The following DOCK1 variants were observed in gnomAD, a reference collection of about 807,000 sequenced individuals.
The protein encoded by DOCK1 is dedicator of cytokinesis protein 1.
A neutral mutation model predicts 262.7 loss-of-function variants in DOCK1; 138 were observed. The observed-to-expected ratio is 0.53, with a 90% confidence interval of 0.46 to 0.61. DOCK1 has a LOEUF of 0.61. Ranked by LOEUF, DOCK1 falls within the 20% of genes least tolerant of loss-of-function variation. The pLI is 0.00. For synonymous variants in DOCK1, 866 were observed against 867.4 expected (o/e 1.00, Z 0.03); for missense variants, 1,908 against 2,370.7 (o/e 0.80, Z 4.05).
chr10:127,122,465 G>A (rs2049657127), intron 25 of DOCK1, among the ~76,000 whole-genome samples: 1 of 151,970 alleles, frequency 6.6e-6, no homozygotes, highest in Non-Finnish European at 1.5e-5. Context: ...GAGGCATGTT[G>A]GATGGCTTTT....
chr10:126,960,723 A>AATATATATATATATATATATATATATAT (rs1159655828), intron 1 of DOCK1, among the ~76,000 whole-genome samples: 9 of 134,664 alleles, frequency 6.7e-5, no homozygotes, highest in Non-Finnish European at 1.3e-4. Context: ...CCTACCCTCA[A>AATATATATATATATATATATATATATAT]ATATATATAT....
intron 12 of DOCK1, chr10:127,013,477 C>G (rs2041629352): frequency 6.6e-6 from 1 of 152,192 alleles, no homozygotes; most frequent in Non-Finnish European, 1.5e-5. Context: ...GCCCTCGGAT[C>G]TCCAGTTTCT....
intron 35 of DOCK1, among the ~76,000 whole-genome samples, chr10:127,379,666 C>G (rs2065721403): frequency 6.6e-6 from 1 of 152,080 alleles, no homozygotes; most frequent in Non-Finnish European, 1.5e-5. Flanking sequence ...GAGGCTGGGC[C>G]CAGAAAGCTT....
intron 29 of DOCK1, among the ~76,000 whole-genome samples, chr10:127,261,452 T>C (rs1381247601): frequency 1.4e-5 from 2 of 144,258 alleles, no homozygotes; most frequent in African/African-American, 2.7e-5. Context: ...CCTGCATGTG[T>C]GTGCGTGTGT....
chr10:127,400,947 C>G (rs146407168), intron 38 of DOCK1, among the ~76,000 whole-genome samples: 216 of 152,284 alleles, frequency 1.4e-3, no homozygotes, highest in African/African-American at 5.0e-3. Context: ...GGGGAGAAAC[C>G]TGAATTCTGC....
chr10:127,347,382 G>C (rs973040927), intron 31 of DOCK1, among the ~76,000 whole-genome samples: 3 of 152,222 alleles, frequency 2.0e-5, no homozygotes, highest in Non-Finnish European at 4.4e-5. Context: ...GGAGGGCCTT[G>C]GCAGCCCGGA....
intron 27 of DOCK1, chr10:127,195,951 G>A (rs1429995967): frequency 6.6e-6 from 1 of 152,274 alleles, no homozygotes; most frequent in Non-Finnish European, 1.5e-5. Context: ...GGCCAAGTAC[G>A]ACGGGCGCGG....
At chr10:127,064,939 G>A (rs1402331464) in intron 23 of DOCK1, among the ~76,000 whole-genome samples, 1 of 152,134 alleles carries the variant, frequency 6.6e-6, no homozygotes, top group Non-Finnish European at 1.5e-5. Context: ...CCACTTTCTG[G>A]GTCTAAGAAT....
chr10:127,002,307 A>T (rs1161438728), intron 10 of DOCK1, among the ~76,000 whole-genome samples: 1 of 152,242 alleles, frequency 6.6e-6, no homozygotes, highest in African/African-American at 2.4e-5. Flanking sequence ...TACAAGATGG[A>T]TTGTGTCATA....
intron 10 of DOCK1, among the ~76,000 whole-genome samples, chr10:127,004,757 G>A (rs1379213308): frequency 6.4e-4 from 56 of 87,070 alleles, no homozygotes; most frequent in African/African-American, 1.9e-3. Flanking sequence ...CCCCCCAACG[G>A]CCCCCTGCCC....
chr10:126,964,655 A>T (rs1227984038), intron 1 of DOCK1, among the ~76,000 whole-genome samples: 1 of 152,218 alleles, frequency 6.6e-6, no homozygotes, highest in East Asian at 1.9e-4. Context: ...TCTTGAAATC[A>T]TGTTTCAGTG....
chr10:127,094,748 T>G (rs2047802406), intron 23 of DOCK1, among the ~76,000 whole-genome samples: 1 of 152,238 alleles, frequency 6.6e-6, no homozygotes, highest in African/African-American at 2.4e-5. Context: ...TGTGATGTGC[T>G]TCATTCCCCA....
chr10:127,247,562 T>C (rs2059474276), intron 27 of DOCK1, among the ~76,000 whole-genome samples: 1 of 152,226 alleles, frequency 6.6e-6, no homozygotes. Context: ...ATTTCCATCC[T>C]GTCTTTAATT....
At chr10:127,042,572 T>G (rs1300189084) in intron 19 of DOCK1, 53 bp from the exon 20 acceptor site, 12 of 1,477,734 alleles carry the variant, frequency 8.1e-6, no homozygotes, top group Non-Finnish European at 1.0e-5. Flanking sequence ...TTCCAGTGTG[T>G]GGGGGAAGTC....
intron 27 of DOCK1, among the ~76,000 whole-genome samples, chr10:127,206,804 C>T (rs905148956): frequency 1.3e-5 from 2 of 152,184 alleles, no homozygotes; most frequent in African/African-American, 2.4e-5. Context: ...GCTGGTCTTA[C>T]GGAATAGTGC....
chr10:127,200,148 CA>C (rs1189279370), intron 27 of DOCK1, among the ~76,000 whole-genome samples: 2 of 152,184 alleles, frequency 1.3e-5, no homozygotes, highest in Non-Finnish European at 2.9e-5. Flanking sequence ...ATCCAGATCC[CA>C]AGAGAGGGTT....
At chr10:126,913,584 G>C (rs1212584720) in intron 1 of DOCK1, among the ~76,000 whole-genome samples, 1 of 152,186 alleles carries the variant, frequency 6.6e-6, no homozygotes, top group Non-Finnish European at 1.5e-5. Flanking sequence ...ACAAATAAAT[G>C]ACACCGGGCT....
intron 1 of DOCK1, among the ~76,000 whole-genome samples, chr10:126,942,264 T>C (rs2035073333): frequency 1.3e-5 from 2 of 152,148 alleles, no homozygotes; most frequent in South Asian, 4.1e-4. Context: ...ACCTCGTGAT[T>C]CACCTGCCTC....
intron 22 of DOCK1, among the ~76,000 whole-genome samples, chr10:127,059,656 C>G (rs538633662): frequency 6.6e-6 from 1 of 152,150 alleles, no homozygotes; most frequent in African/African-American, 2.4e-5. Flanking sequence ...TTCATAGATT[C>G]ATTTCTCTAC....
Sources: gnomAD v4.1 joint callset for allele counts (sites outside exome capture counted in the v4.1 genomes callset) on GRCh38, gnomAD v4.1.1 for gene constraint, MANE v1.5 for transcripts, NCBI Gene and HGNC (gene_info 2026-07-23, HGNC 2026-07-21) for gene names.